VWA8: variants seen among roughly 807,000 people sequenced by gnomAD.
The protein encoded by VWA8 is von Willebrand factor A domain containing 8, also known as von Willebrand factor A domain-containing protein 8.
A neutral mutation model predicts 241.5 loss-of-function variants in VWA8; 221 were observed. The ratio of observed to expected loss-of-function variants is 0.91; its 90% CI spans 0.82 to 1.02. The LOEUF (loss-of-function observed/expected upper bound fraction) is 1.02, where lower values mean the gene tolerates loss of function less well. Among genes scored for constraint, VWA8 ranks in the 50% least tolerant of loss-of-function variants. The pLI, the probability that VWA8 is intolerant of heterozygous loss-of-function variation, is 0.00. For synonymous variants in VWA8, 852 were observed against 827.1 expected (o/e 1.03, Z -0.52); for missense variants, 2,322 against 2,328.7 (o/e 1.00, Z 0.06).
At chr13:41,843,440 G>C (rs979471877) in intron 12 of VWA8, among the ~76,000 whole-genome samples, 2 of 152,040 alleles carry the variant, frequency 1.3e-5, no homozygotes, top group African/African-American at 4.8e-5. Flanking sequence ...AGAGGAACTA[G>C]AAAAACAAGA....
Position 41,690,293 on chromosome 13 carries a change from A to C in VWA8, c.3867-18T>G, listed in dbSNP as rs112089715. ...GATATTTCCTGCAAACAAACAAAAC[A>C]TCTAGCTTAAGTGAAATTTTTCTTT... is the stretch of plus-strand genomic sequence containing the variant. On this transcript the variant is annotated intron_variant, in intron 32 of 44. Coordinates refer to ENST00000379310, the MANE Select transcript of VWA8 (RefSeq NM_015058.2). 7.1e-4 allele frequency: 1,137 copies of C among 1,594,482 alleles called. 6 individuals are homozygous for C. In the African/African-American group the frequency reaches 0.013, roughly 19 times the overall value.
Position 41,567,052 on chromosome 13 carries a change from G to A in VWA8, c.*1145C>T, listed in dbSNP as rs1242168016. Reference sequence around the variant, plus strand: ...TTTTTCAACTCACTGGTGCCCTAACGTTTCTGATTTTGCTATCAATCGTGA... The same window carrying A: ...TTTTTCAACTCACTGGTGCCCTAACATTTCTGATTTTGCTATCAATCGTGA... On this transcript the variant is annotated 3_prime_UTR_variant, in exon 45 of 45. Transcript: ENST00000379310. 1.3e-5 allele frequency: 2 copies of A among 152,120 alleles called. No homozygotes were observed. The highest frequency in any genetic ancestry group is 6.5e-5 in the Admixed American group (1 of 15,288). 9.4% of individuals were successfully genotyped at this position (152,120 alleles called of 1,614,324 possible).
chr13:41,877,397 CT>C (rs1332304223), intron 9 of VWA8, among the ~76,000 whole-genome samples: 4 of 151,390 alleles, frequency 2.6e-5, no homozygotes, highest in African/African-American at 9.7e-5. Flanking sequence ...TGCTACACTG[CT>C]TAAAAAAAAA....
rs1346013466 is a variant in VWA8 at position 41,727,437 on chromosome 13, G to T, written c.2639-124C>A. The T allele has an allele frequency of 1.6e-5, 14 of 886,056 alleles. No individual in the cohort carries two copies. In the South Asian group the frequency reaches 2.7e-4, roughly 17 times the overall value. 54.9% of individuals were successfully genotyped at this position (886,056 alleles called of 1,614,324 possible). A position where few individuals can be genotyped will look rare whatever the true frequency, so the allele number is the denominator to read the frequency against. On this transcript the variant is annotated intron_variant, in intron 23 of 44. Coordinates refer to ENST00000379310, the MANE Select transcript of VWA8 (RefSeq NM_015058.2). ...ATTGTAAAAAGCTCTAAGATATTTG[G>T]CTGTGATAACTTGGTTGCAGAAACA...
chr13:41,886,739 A>G (rs1278286783), intron 7 of VWA8, 42 bp downstream of exon 7: 2 of 1,502,586 alleles, frequency 1.3e-6, no homozygotes, highest in Admixed American at 2.1e-5. Flanking sequence ...GGCAAAACAA[A>G]TTCAATATTC....
intron 37 of VWA8, among the ~76,000 whole-genome samples, chr13:41,662,281 C>T (rs1056945415): frequency 6.6e-6 from 1 of 152,090 alleles, no homozygotes; most frequent in Non-Finnish European, 1.5e-5. Flanking sequence ...CTCAGTATAT[C>T]TCTCCATTTA....
At chr13:41,898,519 C>T (rs1875251729) in intron 4 of VWA8, among the ~76,000 whole-genome samples, 1 of 152,366 alleles carries the variant, frequency 6.6e-6, no homozygotes, top group South Asian at 2.1e-4. Flanking sequence ...TGGCTTCACC[C>T]AGTGGATCCC....
rs778640647 is a variant in VWA8, at chr13:41,575,829, C to T, written c.5281G>A (p.Val1761Ile). 95 of 1,610,818 alleles carry T rather than the reference C, an allele frequency of 5.9e-5. No individual in the cohort carries two copies. Among genetic ancestry groups the T allele is most frequent in the African/African-American group, 6.7e-5 (5 of 74,832 alleles). Residue 1761 changes from valine to isoleucine, a missense_variant, in exon 43 of 45, where the codon GTT becomes ATT. Val to Ile is a conservative substitution (Grantham distance 29). Coordinates refer to ENST00000379310, the MANE Select transcript of VWA8 (RefSeq NM_015058.2). Reference protein sequence around the residue: ...NYEEKFQYDIVGHSGDGYNIG... With the variant: ...NYEEKFQYDIIGHSGDGYNIG... ...TTGTAGCCATCTCCAGAGTGTCCAACGATGTCATACTACATGCAAGAGAAC... is the reference window on the plus strand; with the variant it reads ...TTGTAGCCATCTCCAGAGTGTCCAATGATGTCATACTACATGCAAGAGAAC...
In VWA8 at chr13:41,568,294, G is replaced by C. The variant is rs773225203; in HGVS notation, c.5621C>G (p.Thr1874Ser). ...LGDQATRLQR[T>S]LPAGRSFVAM... The stretch of plus-strand genomic sequence containing the variant: ...AACGAAAGACCGACCAGCTGGTAAA[G>C]TTCTCTGAAGCCTGCCAGGATGGAA... Residue 1874 changes from threonine to serine, a missense_variant, in exon 45 of 45, where the codon ACT becomes AGT. Transcript: ENST00000379310. The C allele has an allele frequency of 6.2e-7, 1 of 1,613,970 alleles. No homozygotes were observed.
At chr13:41,746,837 T>C (rs1267644163) in intron 21 of VWA8, among the ~76,000 whole-genome samples, 1 of 152,196 alleles carries the variant, frequency 6.6e-6, no homozygotes, top group Non-Finnish European at 1.5e-5. Flanking sequence ...AAAAATCAAG[T>C]ATTATAGTAT....
intron 21 of VWA8, among the ~76,000 whole-genome samples, chr13:41,745,455 C>T (rs1295633740): frequency 2.6e-5 from 4 of 151,842 alleles, no homozygotes; most frequent in Admixed American, 1.3e-4. Context: ...TGCAATTTAC[C>T]CATCTGACAA....
intron 8 of VWA8, among the ~76,000 whole-genome samples, chr13:41,883,779 C>T (rs1301549747): frequency 6.6e-6 from 1 of 152,148 alleles, no homozygotes; most frequent in Non-Finnish European, 1.5e-5. Flanking sequence ...AACCTGAACC[C>T]TCAATTGTTC....
At chr13:41,664,547 G>T (rs1004536074) in intron 37 of VWA8, among the ~76,000 whole-genome samples, 1 of 151,994 alleles carries the variant, frequency 6.6e-6, no homozygotes, top group Non-Finnish European at 1.5e-5. Flanking sequence ...TCTTCTTGTT[G>T]TATGGTTTCC....
intron 2 of VWA8, among the ~76,000 whole-genome samples, chr13:41,916,257 AT>A (rs1284360167): frequency 6.6e-6 from 1 of 152,220 alleles, no homozygotes; most frequent in African/African-American, 2.4e-5. Context: ...ATGTAGTATC[AT>A]TTGTCTATAG....
chr13:41,864,904 C>T lies in VWA8; in HGVS notation c.1425+832G>A, dbSNP rs375795610. Among the ~76,000 whole-genome samples, 4 of 148,130 alleles carry T rather than the reference C, an allele frequency of 2.7e-5. No individual in the cohort carries two copies. The East Asian group carries it at 8.1e-4, about 30-fold the overall frequency. ...TCAGGAGGCTGAGGCAGAAGAATTG[C>T]TTGAACCCGGGGTGGGCAGAGGTTG... is the stretch of plus-strand genomic sequence containing the variant. On this transcript the variant is annotated intron_variant, in intron 12 of 44. Transcript: ENST00000379310.
chr13:41,680,028 C>T (rs2045087457), intron 35 of VWA8, among the ~76,000 whole-genome samples: 1 of 151,980 alleles, frequency 6.6e-6, no homozygotes, highest in Non-Finnish European at 1.5e-5. Flanking sequence ...CCCCAATCCC[C>T]CACTCCCGAT....
rs528670207 is a variant in VWA8, at chr13:41,798,282, C to T, written c.2064-10739G>A. Among the ~76,000 whole-genome samples, 59 of 152,212 alleles carry T rather than the reference C, an allele frequency of 3.9e-4. 1 individual carries two copies. In the South Asian group the frequency reaches 0.012, roughly 31 times the overall value. On this transcript the variant is annotated intron_variant, in intron 17 of 44. Coordinates refer to ENST00000379310, the MANE Select transcript of VWA8 (RefSeq NM_015058.2). ...TATATTTGCCTATTTCCTTTCTCACCGTAGTTTCCTGCATGCCAGTCTTTT... is the reference window on the plus strand; with the variant it reads ...TATATTTGCCTATTTCCTTTCTCACTGTAGTTTCCTGCATGCCAGTCTTTT...
At chr13:41,707,452 A>C (rs2045289822) in intron 26 of VWA8, among the ~76,000 whole-genome samples, 1 of 152,234 alleles carries the variant, frequency 6.6e-6, no homozygotes, top group African/African-American at 2.4e-5. Context: ...CACAAGAACT[A>C]CTAATTTTCA....
At chr13:41,646,255 C>T (rs1214713535) in intron 37 of VWA8, among the ~76,000 whole-genome samples, 2 of 152,160 alleles carry the variant, frequency 1.3e-5, no homozygotes, top group East Asian at 3.9e-4. Context: ...TGTGAGCCAC[C>T]ACGCCCGGCC....
Sources: gnomAD v4.1 joint callset for allele counts (sites outside exome capture counted in the v4.1 genomes callset) on GRCh38, gnomAD v4.1.1 for gene constraint, MANE v1.5 for transcripts, NCBI Gene and HGNC (gene_info 2026-07-23, HGNC 2026-07-21) for gene names.